The following TASOR2 variants were observed in gnomAD, a reference collection of about 807,000 sequenced individuals.
TASOR2 encodes the protein transcription activation suppressor family member 2.
In TASOR2, 84 loss-of-function variants were observed where a neutral mutation model predicts 199.5. That is an observed-to-expected ratio of 0.42 (90% CI 0.35 to 0.50). The LOEUF (loss-of-function observed/expected upper bound fraction) is 0.50, where lower values mean the gene tolerates loss of function less well. Among genes scored for constraint, TASOR2 ranks in the 20% least tolerant of loss-of-function variants. The pLI is 0.02. For synonymous variants in TASOR2, 1,103 were observed against 1,046.6 expected, an observed-to-expected ratio of 1.05 and a Z score of -1.04; for missense variants, 2,796 against 2,835.9, an observed-to-expected ratio of 0.99 and a Z score of 0.32.
chr10:5,748,579 A>ACAT lies in TASOR2; in HGVS notation c.5160_5162dup (p.Ser1722dup). 2 of 1,613,662 alleles carry ACAT rather than the reference A, an allele frequency of 1.2e-6. No homozygotes were observed. Among genetic ancestry groups the ACAT allele is most frequent in the Non-Finnish European group, 1.7e-6 (2 of 1,180,024 alleles). On this transcript the variant is annotated inframe_insertion, in exon 15 of 21. Coordinates refer to ENST00000328090, the Ensembl canonical transcript of TASOR2. The surrounding 1 kb of genome is among the most constrained non-coding windows in gnomAD (Gnocchi z 5.1). ...CACTGCTGGCCCTCAGTCCAACACC[A>ACAT]CATCTTCTCTAAAAGGTGAACGCAA...
intron 1 of TASOR2, among the ~76,000 whole-genome samples, chr10:5,695,203 A>T (rs771903199): frequency 1.3e-5 from 2 of 152,236 alleles, no homozygotes; most frequent in Non-Finnish European, 1.5e-5. Context: ...ATTGGACTGG[A>T]TGCTGAGTAA....
chr10:5,700,744 T>C (rs2131517178), intron 1 of TASOR2, among the ~76,000 whole-genome samples: 1 of 152,172 alleles, frequency 6.6e-6, no homozygotes, highest in East Asian at 1.9e-4. Context: ...GAAAAATGTT[T>C]ATTCAGATCT....
intron 8 of TASOR2, among the ~76,000 whole-genome samples, chr10:5,725,270 A>C (rs1833901707): frequency 1.3e-5 from 2 of 152,008 alleles, no homozygotes; most frequent in Non-Finnish European, 2.9e-5. Context: ...GGGCGCCTGT[A>C]GTCCCAGCTA....
rs1282843386 is a variant in TASOR2 at position 5,752,936 on chromosome 10, C to T, written c.6606+2909C>T. 6.6e-6 allele frequency among the ~76,000 whole-genome samples: 1 copy of T among 152,162 alleles called. No individual in the cohort carries two copies. The highest frequency in any genetic ancestry group is 1.9e-4 in the East Asian group (1 of 5,194). ...TTCATCCTGAGGTCGCTGGGAGCCACTGGAAAGGTTCTGTTAGGTTTTTTC... is the reference window on the plus strand; with the variant it reads ...TTCATCCTGAGGTCGCTGGGAGCCATTGGAAAGGTTCTGTTAGGTTTTTTC... On this transcript the variant is annotated intron_variant, in intron 15 of 20. Coordinates refer to ENST00000328090, the Ensembl canonical transcript of TASOR2. The surrounding 1 kb of genome is among the most constrained non-coding windows in gnomAD (Gnocchi z 4.4).
intron 1 of TASOR2, among the ~76,000 whole-genome samples, chr10:5,688,535 G>C (rs1836056212): frequency 7.0e-6 from 1 of 143,208 alleles, no homozygotes. Flanking sequence ...CTAACAATTT[G>C]TTAAACGTTA....
rs3047334 is a variant in TASOR2, at chr10:5,692,149, C to CAAAAAAAAAAA, written c.-288+6979_-288+6989dup. Among the ~76,000 whole-genome samples the CAAAAAAAAAAA allele has an allele frequency of 2.7e-5, 3 of 112,266 alleles. 1 individual carries two copies. Among genetic ancestry groups the CAAAAAAAAAAA allele is most frequent in the African/African-American group, 1.0e-4 (3 of 28,602 alleles). The allele number at this position is 112,266 out of a possible 152,430, so 73.7% of individuals were successfully genotyped here. On this transcript the variant is annotated intron_variant, in intron 1 of 20. Coordinates refer to ENST00000328090, the Ensembl canonical transcript of TASOR2. ...CAGATTGTGCCACTGCACTCTGTCT[C>CAAAAAAAAAAA]AAAAAAAAAAAAAAAGCCATATTCA...
intron 1 of TASOR2, among the ~76,000 whole-genome samples, chr10:5,711,284 GT>G (rs1831873043): frequency 6.6e-6 from 1 of 151,982 alleles, no homozygotes; most frequent in Non-Finnish European, 1.5e-5. Context: ...AGATAGTCTA[GT>G]TTTTGTATAT....
intron 8 of TASOR2, among the ~76,000 whole-genome samples, chr10:5,726,065 G>A (rs750535656): frequency 1.1e-4 from 17 of 152,134 alleles, no homozygotes; most frequent in Non-Finnish European, 1.9e-4. Flanking sequence ...GAAATAAAAT[G>A]TTCTGTAAAA....
chr10:5,736,283 T>C (rs932052916), intron 12 of TASOR2, among the ~76,000 whole-genome samples: 1 of 152,044 alleles, frequency 6.6e-6, no homozygotes, highest in Non-Finnish European at 1.5e-5. Context: ...CCAGGCGTGG[T>C]GGCACATGCC....
At position 5,749,027 on chromosome 10, in the gene TASOR2, C is replaced by T. The variant is rs376540333; in HGVS notation, c.5606C>T (p.Ser1869Leu). Reference sequence around the variant, plus strand: ...GTTCCCACAGATGGCTATGAGTCGTCGTTGAACTTCCACAACAACAACCAA... The same window carrying T: ...GTTCCCACAGATGGCTATGAGTCGTTGTTGAACTTCCACAACAACAACCAA... Residue 1869 changes from serine to leucine, a missense_variant, in exon 15 of 21, where the codon TCG becomes TTG. Physicochemically the swap from Ser to Leu is moderately radical, Grantham distance 145. Coordinates refer to ENST00000328090, the Ensembl canonical transcript of TASOR2. 1.5e-5 allele frequency: 24 copies of T among 1,614,130 alleles called. No homozygotes were observed. Among genetic ancestry groups the T allele is most frequent in the South Asian group, 7.7e-5 (7 of 91,052 alleles).
In TASOR2 at chr10:5,751,669, T is replaced by C. The variant is rs942161046; in HGVS notation, c.6606+1642T>C. 6.6e-6 allele frequency among the ~76,000 whole-genome samples: 1 copy of C among 152,146 alleles called. No individual in the cohort carries two copies. The highest frequency in any genetic ancestry group is 2.4e-5 in the African/African-American group (1 of 41,426). On this transcript the variant is annotated intron_variant, in intron 15 of 20. Transcript: ENST00000328090. The surrounding 1 kb of genome is among the most constrained non-coding windows in gnomAD (Gnocchi z 5.3). Reference sequence around the variant, plus strand: ...TGCCCTAGTCTTGAAGTCAAGCATTTCTCCAAGGAGCTGTGACTCTTTAGT... The same window carrying C: ...TGCCCTAGTCTTGAAGTCAAGCATTCCTCCAAGGAGCTGTGACTCTTTAGT...
chr10:5,739,628 A>G (rs771655462), exon 13 of TASOR2: 1 of 1,611,698 alleles, frequency 6.2e-7, no homozygotes, highest in Non-Finnish European at 8.5e-7. Context: ...TCAAAGGAGA[A>G]ACTGCTTCAA....
intron 1 of TASOR2, 55 bp from the exon 2 acceptor site, chr10:5,712,768 C>A: frequency 1.0e-6 from 1 of 982,570 alleles, no homozygotes; most frequent in Non-Finnish European, 1.3e-6. Flanking sequence ...TAAAAATTTG[C>A]AAGACAAAAT....
chr10:5,759,354 G>C (rs903316251), intron 18 of TASOR2, among the ~76,000 whole-genome samples: 2 of 152,182 alleles, frequency 1.3e-5, no homozygotes, highest in African/African-American at 4.8e-5. Context: ...GAAAAATTAA[G>C]ACCATAATCT....
Position 5,685,320 on chromosome 10 carries a change from G to A in TASOR2, c.-288+145G>A, listed in dbSNP as rs1007274721. 1 of 396,284 alleles carries A rather than the reference G, an allele frequency of 2.5e-6. No homozygotes were observed. Among genetic ancestry groups the A allele is most frequent in the Non-Finnish European group, 4.4e-6 (1 of 225,090 alleles). 24.5% of individuals were successfully genotyped at this position (396,284 alleles called of 1,614,324 possible). A position where few individuals can be genotyped will look rare whatever the true frequency, so the allele number is the denominator to read the frequency against. On this transcript the variant is annotated intron_variant, in intron 1 of 20. Coordinates refer to ENST00000328090, the Ensembl canonical transcript of TASOR2. This position sits in a 1 kb window ranked among gnomAD's most constrained non-coding sequence, Gnocchi z 5.4. ...CTTTTGCCGCGCTCCGGGTGAGGGGGTGGGAGGGGTCGGCGCCTTCTAGAT... is the reference window on the plus strand; with the variant it reads ...CTTTTGCCGCGCTCCGGGTGAGGGGATGGGAGGGGTCGGCGCCTTCTAGAT...
rs1223334273 is a variant in TASOR2 at position 5,722,867 on chromosome 10, G to A, written c.147-810G>A. 6.6e-6 allele frequency among the ~76,000 whole-genome samples: 1 copy of A among 151,260 alleles called. No individual in the cohort carries two copies. Among genetic ancestry groups the A allele is most frequent in the East Asian group, 2.0e-4 (1 of 4,978 alleles). ...CACTGAAAATACAAAAATTAGCTGGGCATGGTGCGGCATGCTTGTAATCCC... is the reference window on the plus strand; with the variant it reads ...CACTGAAAATACAAAAATTAGCTGGACATGGTGCGGCATGCTTGTAATCCC... On this transcript the variant is annotated intron_variant, in intron 6 of 20. Coordinates refer to ENST00000328090, the Ensembl canonical transcript of TASOR2. The surrounding 1 kb of genome is among the most constrained non-coding windows in gnomAD (Gnocchi z 4.0).
intron 14 of TASOR2, among the ~76,000 whole-genome samples, chr10:5,745,222 C>G (rs909472906): frequency 6.6e-6 from 1 of 152,084 alleles, no homozygotes; most frequent in Non-Finnish European, 1.5e-5. Context: ...AAATCAGTGC[C>G]TTTAGTTCAG....
At chr10:5,721,510 T>C (rs980309588) in intron 6 of TASOR2, among the ~76,000 whole-genome samples, 1 of 152,168 alleles carries the variant, frequency 6.6e-6, no homozygotes, top group Non-Finnish European at 1.5e-5. Flanking sequence ...AATTATAAGG[T>C]GAAAACTGAT....
chr10:5,725,323 G>A (rs1041235180), intron 8 of TASOR2, among the ~76,000 whole-genome samples: 12 of 149,410 alleles, frequency 8.0e-5, no homozygotes, highest in South Asian at 6.3e-4. Flanking sequence ...CCCAGGAGGC[G>A]GAGCTTGCAG....
Sources: gnomAD v4.1 joint callset for allele counts (sites outside exome capture counted in the v4.1 genomes callset) on GRCh38, gnomAD v4.1.1 for gene constraint, Gnocchi (gnomAD v3.1) non-coding constraint, MANE v1.5 for transcripts, NCBI Gene and HGNC (gene_info 2026-07-23, HGNC 2026-07-21) for gene names.